Variants in SPAG16 observed in about 807,000 individuals in gnomAD.
SPAG16 encodes the protein sperm associated antigen 16.
In SPAG16, 86 loss-of-function variants were observed where a neutral mutation model predicts 80.4. The observed-to-expected ratio is 1.07, with a 90% CI of 0.90 to 1.28. The LOEUF (loss-of-function observed/expected upper bound fraction) is 1.28, where lower values mean the gene tolerates loss of function less well. Among genes scored for constraint, SPAG16 ranks in the 50% most tolerant of loss-of-function variants. SPAG16 has a pLI of 0.00. For synonymous variants in SPAG16, 294 were observed against 265.9 expected, an observed-to-expected ratio of 1.11 and a Z score of -1.03; for missense variants, 870 against 765.3, an observed-to-expected ratio of 1.14 and a Z score of -1.61.
chr2:214,034,843 G>A (rs1246552705), intron 13 of SPAG16, among the ~76,000 whole-genome samples: 3 of 152,172 alleles, frequency 2.0e-5, no homozygotes, highest in Admixed American at 6.5e-5. Flanking sequence ...CTTTTTGCCT[G>A]CAACATGGCA....
At chr2:213,871,781 A>C (rs530677694) in intron 11 of SPAG16, among the ~76,000 whole-genome samples, 19 of 151,744 alleles carry the variant, frequency 1.3e-4, no homozygotes, top group Non-Finnish European at 4.4e-5. Context: ...TCTAGAAGAA[A>C]CTTCTGTGAC....
intron 15 of SPAG16, among the ~76,000 whole-genome samples, chr2:214,269,681 G>A (rs542521360): frequency 3.9e-5 from 6 of 152,158 alleles, no homozygotes; most frequent in African/African-American, 7.2e-5. Context: ...TTGGAAGGAG[G>A]GGGTGGTGAA....
At chr2:213,349,158 A>T (rs868203753) in intron 6 of SPAG16, among the ~76,000 whole-genome samples, 5 of 152,230 alleles carry the variant, frequency 3.3e-5, no homozygotes, top group Admixed American at 6.5e-5. Context: ...GCGCTGAATG[A>T]TTAAAAATGC....
chr2:214,054,096 G>A (rs961643083), intron 13 of SPAG16, among the ~76,000 whole-genome samples: 2 of 151,882 alleles, frequency 1.3e-5, no homozygotes, highest in Non-Finnish European at 2.9e-5. Flanking sequence ...TGAAACCTCC[G>A]CCTCCCGGGT....
intron 13 of SPAG16, among the ~76,000 whole-genome samples, chr2:214,037,472 ATGTT>A (rs1372549402): frequency 6.6e-6 from 1 of 152,064 alleles, no homozygotes; most frequent in African/African-American, 2.4e-5. Context: ...TGCCCAATGA[ATGTT>A]TGAGAAGAAG....
At chr2:213,576,832 GC>G (rs1284270818) in intron 10 of SPAG16, among the ~76,000 whole-genome samples, 1 of 152,090 alleles carries the variant, frequency 6.6e-6, no homozygotes, top group Non-Finnish European at 1.5e-5. Flanking sequence ...ACACACTGGG[GC>G]CTTTTGGAGG....
chr2:213,590,918 GATTGGTTAAAGAAAATATGTTATCT>G (rs67787854), intron 10 of SPAG16, among the ~76,000 whole-genome samples: 2 of 83,068 alleles, frequency 2.4e-5, no homozygotes, highest in Non-Finnish European at 3.5e-5. Flanking sequence ...ATCAGTGATG[GATTGGTTAAAGAAAATATGTTATCT>G]ATACACCATA....
intron 9 of SPAG16, among the ~76,000 whole-genome samples, chr2:213,429,378 C>A (rs938658358): frequency 6.6e-6 from 1 of 152,094 alleles, no homozygotes; most frequent in African/African-American, 2.4e-5. Context: ...TCCCACAATG[C>A]TGGACCACAG....
At chr2:213,737,664 A>G (rs2067352057) in intron 10 of SPAG16, among the ~76,000 whole-genome samples, 1 of 151,382 alleles carries the variant, frequency 6.6e-6, no homozygotes, top group Admixed American at 6.6e-5. Context: ...ATTTTTTTGT[A>G]TTTTTAGTAG....
rs1293967418 is a variant in SPAG16, at chr2:213,296,068, C to T, written c.141C>T (p.Val47=). 1 of 1,609,424 alleles carries T rather than the reference C, an allele frequency of 6.2e-7. No homozygotes were observed. The highest frequency in any genetic ancestry group is 1.7e-5 in the Admixed American group (1 of 59,924). Residue 47 remains valine, a synonymous_variant, in exon 2 of 16, where the codon GTC becomes GTT. Transcript: ENST00000331683. ...AAEGAYYLEQ[V]TITEASEDDY... ...AAAACTTGACAAGATATTCAGAGGT[C>T]ACCATAACTGAAGCATCTGAAGATG...
intron 10 of SPAG16, among the ~76,000 whole-genome samples, chr2:213,700,376 CATAA>C (rs1462476267): frequency 1.3e-5 from 2 of 152,050 alleles, no homozygotes; most frequent in East Asian, 3.9e-4. Flanking sequence ...AAATGTATGA[CATAA>C]ATTATTTAGG....
intron 12 of SPAG16, among the ~76,000 whole-genome samples, chr2:213,938,597 A>G (rs2079079906): frequency 6.6e-6 from 1 of 152,114 alleles, no homozygotes; most frequent in South Asian, 2.1e-4. Context: ...ATTTCAGACA[A>G]CAACCACTAT....
chr2:213,714,405 C>CT (rs961953799), intron 10 of SPAG16, among the ~76,000 whole-genome samples: 3 of 151,944 alleles, frequency 2.0e-5, no homozygotes, highest in African/African-American at 4.8e-5. Context: ...TCTTCTCACC[C>CT]TTTTTTTTCT....
At chr2:213,348,084 C>T (rs4552137) in intron 6 of SPAG16, among the ~76,000 whole-genome samples, 148,378 of 152,274 alleles carry the variant, frequency 0.97, 72,401 homozygotes, top group East Asian at 1. Context: ...ATTAGGTGCA[C>T]ATATATTTAG....
chr2:214,371,708 TCTCA>T (rs1185887147), intron 15 of SPAG16, among the ~76,000 whole-genome samples: 3 of 144,218 alleles, frequency 2.1e-5, no homozygotes, highest in East Asian at 4.1e-4. Context: ...TGAGACTGAG[TCTCA>T]CTCAGTCGTC....
intron 10 of SPAG16, among the ~76,000 whole-genome samples, chr2:213,815,646 C>A (rs2125679135): frequency 6.6e-6 from 1 of 152,124 alleles, no homozygotes; most frequent in African/African-American, 2.4e-5. Context: ...CTTTGGGCCC[C>A]TTTGTATGAA....
chr2:213,797,412 T>C (rs570431246), intron 10 of SPAG16, among the ~76,000 whole-genome samples: 2 of 152,288 alleles, frequency 1.3e-5, no homozygotes, highest in East Asian at 1.9e-4. Flanking sequence ...TGTGTATCAT[T>C]TTTATCTTTA....
intron 10 of SPAG16, among the ~76,000 whole-genome samples, chr2:213,730,349 G>A (rs565468211): frequency 3.2e-4 from 49 of 152,292 alleles, no homozygotes; most frequent in African/African-American, 9.4e-4. Flanking sequence ...TACAATTATA[G>A]GGAAATCAGT....
At chr2:214,366,098 C>T (rs1309001902) in intron 15 of SPAG16, among the ~76,000 whole-genome samples, 1 of 152,046 alleles carries the variant, frequency 6.6e-6, no homozygotes, top group Admixed American at 6.6e-5. Context: ...TCTGCCTCAG[C>T]TTCCCAAGTA....
Sources: gnomAD v4.1 joint callset for allele counts (sites outside exome capture counted in the v4.1 genomes callset) on GRCh38, gnomAD v4.1.1 for gene constraint, MANE v1.5 for transcripts, NCBI Gene and HGNC (gene_info 2026-07-23, HGNC 2026-07-21) for gene names.